The following JAK2 variants were observed in gnomAD, a reference collection of about 807,000 sequenced individuals.
JAK2 encodes the protein Janus kinase 2.
Under a neutral mutation model 139.3 loss-of-function variants are expected in JAK2, and 86 were observed. That is an observed-to-expected ratio of 0.62 (90% CI 0.52 to 0.74). The LOEUF (loss-of-function observed/expected upper bound fraction) is 0.74, where lower values mean the gene tolerates loss of function less well. JAK2 is among the 30% of genes least tolerant of loss of function. JAK2 has a pLI of 0.00. For missense variants in JAK2, 1,421 were observed against 1,360.3 expected, an observed-to-expected ratio of 1.04 and a Z score of -0.70; for synonymous variants, 490 against 437.7, an observed-to-expected ratio of 1.12 and a Z score of -1.49.
chr9:5,122,574 G>A (rs551907740), intron 22 of JAK2, among the ~76,000 whole-genome samples: 1 of 152,020 alleles, frequency 6.6e-6, no homozygotes, highest in Non-Finnish European at 1.5e-5. Context: ...CTATGTCAGA[G>A]ATTCCCAAGA....
intron 22 of JAK2, among the ~76,000 whole-genome samples, chr9:5,120,170 G>A (rs910481321): frequency 4.6e-5 from 7 of 152,216 alleles, no homozygotes; most frequent in African/African-American, 1.4e-4. Flanking sequence ...CTTCAGAGAG[G>A]AGGAACACCA....
intron 12 of JAK2, among the ~76,000 whole-genome samples, chr9:5,072,081 T>A (rs1488230945): frequency 6.6e-6 from 1 of 152,202 alleles, no homozygotes; most frequent in Non-Finnish European, 1.5e-5. Context: ...TTAAATAGCC[T>A]GTACAAGGTC....
intron 8 of JAK2, 32 bp downstream of exon 8, chr9:5,055,820 C>A: frequency 6.4e-7 from 1 of 1,571,816 alleles, no homozygotes. Flanking sequence ...ATAATGGTTT[C>A]ATTTTATAGT....
chr9:5,107,935 A>T (rs572190814), intron 22 of JAK2: 2 of 152,278 alleles, frequency 1.3e-5, no homozygotes, highest in African/African-American at 4.8e-5. Context: ...AGTGCTAAAA[A>T]TTATTCCGAC....
intron 14 of JAK2, among the ~76,000 whole-genome samples, chr9:5,074,810 C>T (rs1819202674): frequency 6.6e-6 from 1 of 152,100 alleles, no homozygotes; most frequent in Admixed American, 6.5e-5. Flanking sequence ...TCCAGAAGAT[C>T]TAGCAAAGAC....
chr9:5,111,568 C>G (rs1822543937), intron 22 of JAK2: 1 of 364,544 alleles, frequency 2.7e-6, no homozygotes, highest in Admixed American at 3.7e-5. Context: ...CAGATGGCAG[C>G]CTGCACCCCT....
At chr9:5,077,790 A>G (rs763042799) in intron 15 of JAK2, among the ~76,000 whole-genome samples, 1 of 152,208 alleles carries the variant, frequency 6.6e-6, no homozygotes, top group African/African-American at 2.4e-5. Flanking sequence ...CATCCCATCA[A>G]TATCTTAGAA....
chr9:5,072,570 C>T lies in JAK2; in HGVS notation c.1720C>T (p.His574Tyr), dbSNP rs758164560. 3.1e-6 allele frequency: 5 copies of T among 1,610,902 alleles called. No homozygotes were observed. In the East Asian group the frequency reaches 1.1e-4, roughly 36 times the overall value. ...RREVGDYGQL[H>Y]ETEVLLKVLD... ...AGAAGTAGGAGACTACGGTCAACTG[C>T]ATGAAACAGAAGTTCTTTTAAAAGT... The change falls in exon 13 of 25, where the codon CAT (histidine) becomes TAT (tyrosine). Residue 574 changes from histidine to tyrosine, a missense_variant. Physicochemically the swap from His to Tyr is moderately conservative, Grantham distance 83. Transcript: ENST00000381652.
intron 14 of JAK2, among the ~76,000 whole-genome samples, chr9:5,076,296 A>G (rs942489166): frequency 2.6e-5 from 4 of 152,186 alleles, no homozygotes; most frequent in African/African-American, 9.7e-5. Context: ...GAAGGCTATC[A>G]AACAGCATTG....
At chr9:5,046,044 T>C (rs1816986748) in intron 5 of JAK2, among the ~76,000 whole-genome samples, 2 of 152,196 alleles carry the variant, frequency 1.3e-5, no homozygotes, top group African/African-American at 4.8e-5. Flanking sequence ...TCCTCAACAA[T>C]GCTTTGCTTT....
chr9:5,091,896 C>G (rs886598346), intron 22 of JAK2, among the ~76,000 whole-genome samples: 20 of 152,148 alleles, frequency 1.3e-4, no homozygotes, highest in Admixed American at 9.8e-4. Context: ...AGGGTGGTTA[C>G]ACCTAGGGCT....
rs544639076 is a variant in JAK2 at position 5,090,656 on chromosome 9, A to G, written c.2887-83A>G. 13 of 1,511,932 alleles carry G rather than the reference A, an allele frequency of 8.6e-6. No individual in the cohort carries two copies. In the African/African-American group the frequency reaches 1.1e-4, roughly 13 times the overall value. 93.7% of individuals were successfully genotyped at this position (1,511,932 alleles called of 1,614,324 possible). ...AAATCATCTAGACGTTTTCATAGAT[A>G]ATAAAGGGAATATATAGGGTTAAGA... On this transcript the variant is annotated intron_variant, in intron 21 of 24. Coordinates refer to ENST00000381652, the MANE Select transcript of JAK2 (RefSeq NM_004972.4).
At position 5,111,420 on chromosome 9, in the gene JAK2, C is replaced by G. The variant is rs1285946785; in HGVS notation, c.3060-11584C>G. 1.2e-5 allele frequency: 5 copies of G among 400,640 alleles called. No individual in the cohort carries two copies. The East Asian group carries it at 2.6e-4, about 21-fold the overall frequency. 24.8% of individuals were successfully genotyped at this position (400,640 alleles called of 1,614,324 possible). ...GACAGCGGCCTGGACACGCAGCCCA[C>G]GAAGGTCGGGAAGGTCCCGCCTGGT... is the stretch of plus-strand genomic sequence containing the variant. On this transcript the variant is annotated intron_variant, in intron 22 of 24. Coordinates refer to ENST00000381652, the MANE Select transcript of JAK2 (RefSeq NM_004972.4).
chr9:5,084,287 T>A (rs1819919217), intron 19 of JAK2, among the ~76,000 whole-genome samples: 1 of 152,188 alleles, frequency 6.6e-6, no homozygotes, highest in African/African-American at 2.4e-5. Flanking sequence ...ATAATTTTAC[T>A]TTCATCTTTG....
At position 5,105,753 on chromosome 9, in the gene JAK2, A is replaced by C. The variant is rs764271575; in HGVS notation, c.3059+14842A>C. The stretch of plus-strand genomic sequence containing the variant: ...GAACAGAACAGAGGCCTCAGAAATA[A>C]CACCACACATCTACAACCATCTGAT... On this transcript the variant is annotated intron_variant, in intron 22 of 24. Coordinates refer to ENST00000381652, the MANE Select transcript of JAK2 (RefSeq NM_004972.4). Among the ~76,000 whole-genome samples, 4 of 152,210 alleles carry C rather than the reference A, an allele frequency of 2.6e-5. No homozygotes were observed. The East Asian group carries it at 7.7e-4, about 29-fold the overall frequency.
At position 5,126,759 on chromosome 9, in the gene JAK2, G is replaced by A. The variant is rs1376571158; in HGVS notation, c.3367G>A (p.Val1123Met). The A allele has an allele frequency of 6.2e-7, 1 of 1,610,200 alleles. No homozygotes were observed. Reference protein sequence around the residue: ...RPSFRDLALRVDQIRDNMAG With the variant: ...RPSFRDLALRMDQIRDNMAG Reference sequence around the variant, plus strand: ...CTCCTTTAGGGATCTAGCTCTTCGAGTGGATCAAATAAGGGATAACATGGC... The same window carrying A: ...CTCCTTTAGGGATCTAGCTCTTCGAATGGATCAAATAAGGGATAACATGGC... Residue 1123 changes from valine to methionine, a missense_variant, in exon 25 of 25, where the codon GTG (valine) becomes ATG (methionine). By Grantham distance (21) the Val-to-Met change is conservative (BLOSUM62 1). Transcript: ENST00000381652.
chr9:5,039,716 T>TA (rs1816343717), intron 4 of JAK2, among the ~76,000 whole-genome samples: 1 of 152,068 alleles, frequency 6.6e-6, no homozygotes, highest in Non-Finnish European at 1.5e-5. Context: ...AAAATGAAAT[T>TA]AAAAAAATTT....
At chr9:5,093,868 T>A (rs1234712333) in intron 22 of JAK2, among the ~76,000 whole-genome samples, 3 of 152,166 alleles carry the variant, frequency 2.0e-5, no homozygotes, top group Non-Finnish European at 4.4e-5. Flanking sequence ...TGATCTGATT[T>A]CAGACCAGAG....
chr9:5,034,119 C>T (rs1186335612), intron 4 of JAK2, among the ~76,000 whole-genome samples: 1 of 152,084 alleles, frequency 6.6e-6, no homozygotes, highest in Non-Finnish European at 1.5e-5. Flanking sequence ...GACTTTAAAC[C>T]AACAAAGATC....
Sources: allele counts gnomAD v4.1 joint callset (sites outside exome capture counted in the v4.1 genomes callset), GRCh38; gene constraint gnomAD v4.1.1; transcripts MANE v1.5; gene names NCBI Gene and HGNC (gene_info 2026-07-23, HGNC 2026-07-21).